SUPT3H: variants seen among roughly 807,000 people sequenced by gnomAD.
SUPT3H encodes transcription initiation protein SPT3 homolog.
Under a neutral mutation model 44.3 loss-of-function variants are expected in SUPT3H, and 44 were observed. The observed-to-expected ratio is 0.99, with a 90% CI of 0.78 to 1.28. The LOEUF is 1.28. Ranked by LOEUF, SUPT3H falls within the 50% of genes most tolerant of loss-of-function variation. The pLI is 0.00. For synonymous variants in SUPT3H, 124 were observed against 125.6 expected (o/e 0.99, Z 0.09); for missense variants, 380 against 387.1 (o/e 0.98, Z 0.15).
At chr6:45,158,319 A>G (rs1404658553) in intron 2 of SUPT3H, among the ~76,000 whole-genome samples, 1 of 31,056 alleles carries the variant, frequency 3.2e-5, no homozygotes, top group African/African-American at 1.4e-4. Flanking sequence ...TTTTTTTTTG[A>G]GATGGAGTCT....
At chr6:45,151,663 C>T (rs748838244) in intron 2 of SUPT3H, among the ~76,000 whole-genome samples, 11 of 152,040 alleles carry the variant, frequency 7.2e-5, no homozygotes, top group East Asian at 1.9e-4. Flanking sequence ...TTAATTATGA[C>T]GTAAAAATGT....
At chr6:44,816,902 C>CA (rs145926810) in intron 11 of SUPT3H, among the ~76,000 whole-genome samples, 274 of 125,476 alleles carry the variant, frequency 2.2e-3, no homozygotes, top group Middle Eastern at 4.0e-3. Flanking sequence ...AATAAAACAA[C>CA]AACAAAAAAA....
At chr6:45,014,676 A>T in intron 5 of SUPT3H, 125 bp downstream of exon 5, 1 of 523,732 alleles carries the variant, frequency 1.9e-6, no homozygotes, top group Non-Finnish European at 3.2e-6. Flanking sequence ...AGGGTATTCC[A>T]CTTGATTTGT....
chr6:45,363,213 T>G (rs978619950), intron 2 of SUPT3H, among the ~76,000 whole-genome samples: 12 of 152,160 alleles, frequency 7.9e-5, no homozygotes, highest in Non-Finnish European at 1.8e-4. Context: ...TGAATAAGCC[T>G]GGGTATGGTA....
At chr6:45,372,354 G>A (rs1796192090) in intron 1 of SUPT3H, among the ~76,000 whole-genome samples, 1 of 152,214 alleles carries the variant, frequency 6.6e-6, no homozygotes, top group Non-Finnish European at 1.5e-5. Context: ...ATTAACTCAT[G>A]CAAAAGCATA....
intron 2 of SUPT3H, among the ~76,000 whole-genome samples, chr6:45,205,811 A>T (rs1763142807): frequency 7.5e-6 from 1 of 133,806 alleles, no homozygotes; most frequent in African/African-American, 2.6e-5. Context: ...AAAACAAAAC[A>T]AAAAAAAAAA....
At chr6:45,049,017 G>A (rs966031459) in intron 3 of SUPT3H, among the ~76,000 whole-genome samples, 1 of 152,096 alleles carries the variant, frequency 6.6e-6, no homozygotes, top group Non-Finnish European at 1.5e-5. Flanking sequence ...CTCGCAAATT[G>A]CTAAGAGTGC....
chr6:44,888,994 C>A (rs1426292117), intron 10 of SUPT3H, among the ~76,000 whole-genome samples: 1 of 140,068 alleles, frequency 7.1e-6, no homozygotes, highest in African/African-American at 2.7e-5. Flanking sequence ...AGAGCCAAAT[C>A]ATGAGTGAAC....
chr6:45,215,709 C>A (rs1412670491), intron 2 of SUPT3H, among the ~76,000 whole-genome samples: 1 of 151,948 alleles, frequency 6.6e-6, no homozygotes, highest in African/African-American at 2.4e-5. Context: ...TTAAGCAAAC[C>A]ACAGCCACAT....
intron 2 of SUPT3H, among the ~76,000 whole-genome samples, chr6:45,204,250 A>AAAGAAG (rs59918814): frequency 0.11 from 15,647 of 143,100 alleles, 1,156 homozygotes; most frequent in East Asian, 0.23. Context: ...CCGTCTCAAA[A>AAAGAAG]AAGAAGAAGA....
At chr6:45,234,403 C>T (rs769635622) in intron 2 of SUPT3H, among the ~76,000 whole-genome samples, 25 of 151,648 alleles carry the variant, frequency 1.6e-4, no homozygotes, top group Non-Finnish European at 2.6e-4. Context: ...TGGTGGTGGG[C>T]GCCTGCAATC....
At chr6:45,279,566 G>A (rs895412867) in intron 2 of SUPT3H, among the ~76,000 whole-genome samples, 1 of 152,104 alleles carries the variant, frequency 6.6e-6, no homozygotes, top group Non-Finnish European at 1.5e-5. Flanking sequence ...CTCCTGCTAT[G>A]TGAGATGCCA....
chr6:45,098,962 C>G (rs1171026921), intron 3 of SUPT3H: 2 of 449,906 alleles, frequency 4.4e-6, no homozygotes, highest in Non-Finnish European at 8.8e-6. Flanking sequence ...GAACAGATCA[C>G]AGACTCTGGG....
intron 10 of SUPT3H, among the ~76,000 whole-genome samples, chr6:44,898,199 C>T (rs1236830105): frequency 6.6e-6 from 1 of 152,210 alleles, no homozygotes; most frequent in African/African-American, 2.4e-5. Context: ...TGGTAGCCAG[C>T]TTCCAGATGG....
chr6:44,872,647 A>G (rs1174792279), intron 10 of SUPT3H, among the ~76,000 whole-genome samples: 7 of 130,146 alleles, frequency 5.4e-5, no homozygotes, highest in Non-Finnish European at 8.2e-5. Context: ...CAAACATAAC[A>G]ATATTAACTT....
chr6:45,160,424 T>C (rs1374661351), intron 2 of SUPT3H, among the ~76,000 whole-genome samples: 1 of 152,142 alleles, frequency 6.6e-6, no homozygotes, highest in African/African-American at 2.4e-5. Context: ...ACCAAAGACG[T>C]AAGTACTACA....
intron 10 of SUPT3H, among the ~76,000 whole-genome samples, chr6:44,870,888 G>A (rs1012853043): frequency 2.0e-5 from 3 of 151,766 alleles, no homozygotes; most frequent in African/African-American, 7.3e-5. Context: ...AGGGGTGACG[G>A]ATGCACCTGG....
chr6:45,083,183 A>G lies in SUPT3H; in HGVS notation c.186+22739T>C, dbSNP rs895469749. On this transcript the variant is annotated intron_variant, in intron 3 of 10. Coordinates refer to ENST00000371459, the MANE Select transcript of SUPT3H (RefSeq NM_003599.4). ...TTAAAGAATCATTATTATTATTATT[A>G]TTATTATTATTATTATTATTATTTT... Among the ~76,000 whole-genome samples the G allele has an allele frequency of 4.0e-5, 6 of 148,794 alleles. No individual in the cohort carries two copies. The East Asian group carries it at 1.2e-3, about 29-fold the overall frequency.
intron 10 of SUPT3H, among the ~76,000 whole-genome samples, chr6:44,920,350 T>C (rs906875678): frequency 6.6e-6 from 1 of 151,988 alleles, no homozygotes; most frequent in African/African-American, 2.4e-5. Flanking sequence ...GGCAGGAGGA[T>C]TGCTTGAGGC....
Sources: allele counts gnomAD v4.1 joint callset (sites outside exome capture counted in the v4.1 genomes callset), GRCh38; gene constraint gnomAD v4.1.1; transcripts MANE v1.5; gene names NCBI Gene and HGNC (gene_info 2026-07-23, HGNC 2026-07-21).